The following ARHGAP15 variants were observed in gnomAD, a reference collection of about 807,000 sequenced individuals.
ARHGAP15 encodes rho GTPase-activating protein 15.
A neutral mutation model predicts 63.7 loss-of-function variants in ARHGAP15; 51 were observed. That is an observed-to-expected ratio of 0.80 (90% CI 0.64 to 1.01). ARHGAP15 has a LOEUF of 1.01. Ranked by LOEUF, ARHGAP15 falls within the 50% of genes least tolerant of loss-of-function variation. The pLI is 0.00. For synonymous variants in ARHGAP15, 191 were observed against 193.8 expected, an observed-to-expected ratio of 0.99 and a Z score of 0.12; for missense variants, 560 against 564.6, an observed-to-expected ratio of 0.99 and a Z score of 0.08.
chr2:143,741,312 TTC>T (rs1311415590), intron 13 of ARHGAP15: 1 of 152,242 alleles, frequency 6.6e-6, no homozygotes, highest in Non-Finnish European at 1.5e-5. Context: ...GCATTTTGAC[TTC>T]TTTTATTTTT....
intron 6 of ARHGAP15, among the ~76,000 whole-genome samples, chr2:143,297,874 G>A (rs1211538110): frequency 6.6e-6 from 1 of 151,960 alleles, no homozygotes; most frequent in African/African-American, 2.4e-5. Flanking sequence ...CCACAAAACA[G>A]TATAATTGAG....
At chr2:143,658,093 T>G (rs1681551513) in intron 12 of ARHGAP15, among the ~76,000 whole-genome samples, 1 of 152,238 alleles carries the variant, frequency 6.6e-6, no homozygotes, top group Admixed American at 6.5e-5. Flanking sequence ...AGCACTGGAT[T>G]CCTCTTGAGC....
chr2:143,504,521 C>T (rs558036028), intron 9 of ARHGAP15, among the ~76,000 whole-genome samples: 1 of 152,318 alleles, frequency 6.6e-6, no homozygotes, highest in African/African-American at 2.4e-5. Context: ...TACGTAATCG[C>T]AATGGCCAAA....
chr2:143,301,956 T>C (rs1682922265), intron 6 of ARHGAP15, among the ~76,000 whole-genome samples: 1 of 151,812 alleles, frequency 6.6e-6, no homozygotes, highest in Non-Finnish European at 1.5e-5. Context: ...TCCCACTAGG[T>C]TAATCTAATC....
chr2:143,359,829 A>AG (rs1685964326), intron 6 of ARHGAP15, among the ~76,000 whole-genome samples: 1 of 152,216 alleles, frequency 6.6e-6, no homozygotes, highest in Non-Finnish European at 1.5e-5. Flanking sequence ...ATATTTACAG[A>AG]AAGTAATGTT....
At chr2:143,267,517 T>A (rs1681056246) in intron 6 of ARHGAP15, among the ~76,000 whole-genome samples, 1 of 152,292 alleles carries the variant, frequency 6.6e-6, no homozygotes. Flanking sequence ...GCATAAATTA[T>A]AGGAGCTGAA....
At chr2:143,285,947 A>C (rs1224171496) in intron 6 of ARHGAP15, among the ~76,000 whole-genome samples, 1 of 152,216 alleles carries the variant, frequency 6.6e-6, no homozygotes, top group Non-Finnish European at 1.5e-5. Context: ...AATATTTTTA[A>C]ATGTTGACTT....
intron 8 of ARHGAP15, among the ~76,000 whole-genome samples, chr2:143,437,821 C>T (rs1177228067): frequency 4.6e-5 from 7 of 152,026 alleles, no homozygotes; most frequent in African/African-American, 9.7e-5. Flanking sequence ...GTCAGGAGCT[C>T]GAGATCATCC....
At chr2:143,310,229 T>A (rs1031041233) in intron 6 of ARHGAP15, among the ~76,000 whole-genome samples, 8 of 152,094 alleles carry the variant, frequency 5.3e-5, no homozygotes, top group African/African-American at 1.7e-4. Flanking sequence ...AAAACAGCAC[T>A]GTAATACTAC....
intron 6 of ARHGAP15, among the ~76,000 whole-genome samples, chr2:143,346,358 A>G (rs1391258355): frequency 2.0e-5 from 3 of 151,952 alleles, no homozygotes; most frequent in Non-Finnish European, 4.4e-5. Flanking sequence ...TTTTTTCCCT[A>G]CTGGTCTTTC....
chr2:143,713,556 T>C (rs1684678146), intron 13 of ARHGAP15, among the ~76,000 whole-genome samples: 1 of 152,112 alleles, frequency 6.6e-6, no homozygotes, highest in African/African-American at 2.4e-5. Context: ...ATTCCAGCAT[T>C]AACCCAAAAG....
At chr2:143,306,918 T>G (rs1683199730) in intron 6 of ARHGAP15, among the ~76,000 whole-genome samples, 1 of 152,164 alleles carries the variant, frequency 6.6e-6, no homozygotes, top group Non-Finnish European at 1.5e-5. Flanking sequence ...GTCAGGATTC[T>G]GGACACAGCC....
At position 143,270,247 on chromosome 2, in the gene ARHGAP15, C is replaced by T. The variant is rs150163933; in HGVS notation, c.474+19647C>T. Among the ~76,000 whole-genome samples the T allele has an allele frequency of 3.8e-3, 580 of 152,268 alleles. 2 individuals carry two copies. Among genetic ancestry groups the T allele is most frequent in the Middle Eastern group, 0.02 (6 of 294 alleles). ...CTGCCTCCCACATATTCTTAACCAA[C>T]TACATATTTTTTATGAAACTTCATT... On this transcript the variant is annotated intron_variant, in intron 6 of 13. Transcript: ENST00000295095.
At chr2:143,181,464 T>G (rs1180714409) in intron 2 of ARHGAP15, among the ~76,000 whole-genome samples, 1 of 152,240 alleles carries the variant, frequency 6.6e-6, no homozygotes, top group African/African-American at 2.4e-5. Context: ...GAAAATGTGT[T>G]GTTTAGTGTA....
chr2:143,640,304 G>A (rs1351512686), intron 12 of ARHGAP15, among the ~76,000 whole-genome samples: 1 of 152,088 alleles, frequency 6.6e-6, no homozygotes, highest in African/African-American at 2.4e-5. Flanking sequence ...AGAAGGAAGA[G>A]GGTGGCGAGA....
At chr2:143,253,669 T>G (rs1680274671) in intron 6 of ARHGAP15, among the ~76,000 whole-genome samples, 2 of 151,126 alleles carry the variant, frequency 1.3e-5, no homozygotes, top group African/African-American at 2.4e-5. Context: ...AAAAGAATTC[T>G]ATAATAAAGT....
chr2:143,489,834 A>G (rs1373184304), intron 9 of ARHGAP15, among the ~76,000 whole-genome samples: 2 of 152,172 alleles, frequency 1.3e-5, no homozygotes, highest in East Asian at 3.8e-4. Flanking sequence ...CAGATAATCT[A>G]TATCATACTT....
chr2:143,443,443 T>C (rs202226415), intron 8 of ARHGAP15, among the ~76,000 whole-genome samples: 1,707 of 151,474 alleles, frequency 0.011, 19 homozygotes, highest in African/African-American at 0.019. Flanking sequence ...TTTTTTTTTT[T>C]CCCCAAAATA....
rs541438450 is a variant in ARHGAP15, at chr2:143,209,008, C to T, written c.234+6806C>T. 2.9e-3 allele frequency among the ~76,000 whole-genome samples: 434 copies of T among 152,172 alleles called. 2 individuals carry two copies. The highest frequency in any genetic ancestry group is 0.01 in the African/African-American group (428 of 41,516). On this transcript the variant is annotated intron_variant, in intron 3 of 13. Coordinates refer to ENST00000295095, the MANE Select transcript of ARHGAP15 (RefSeq NM_018460.4). ...AGGCTTTTGCAGATAAACCTTAAGTCACAGATTCTACCTTTTAGAGCCAGA... is the reference window on the plus strand; with the variant it reads ...AGGCTTTTGCAGATAAACCTTAAGTTACAGATTCTACCTTTTAGAGCCAGA...
Sources: gnomAD v4.1 joint callset for allele counts (sites outside exome capture counted in the v4.1 genomes callset) on GRCh38, gnomAD v4.1.1 for gene constraint, MANE v1.5 for transcripts, NCBI Gene and HGNC (gene_info 2026-07-23, HGNC 2026-07-21) for gene names.